The following RNF38 variants were observed in gnomAD, a reference collection of about 807,000 sequenced individuals.
RNF38 encodes E3 ubiquitin-protein ligase RNF38.
Under a neutral mutation model 67.2 loss-of-function variants are expected in RNF38, and 15 were observed. The observed-to-expected ratio is 0.22, with a 90% CI of 0.15 to 0.34. The LOEUF is 0.34. Among genes scored for constraint, RNF38 ranks in the 10% least tolerant of loss-of-function variants. The pLI is 1.00. For synonymous variants in RNF38, 220 were observed against 218.8 expected, an observed-to-expected ratio of 1.01 and a Z score of -0.05; for missense variants, 524 against 639.9, an observed-to-expected ratio of 0.82 and a Z score of 1.95.
chr9:36,473,327 C>T (rs1003491183), intron 1 of RNF38, among the ~76,000 whole-genome samples: 2 of 151,762 alleles, frequency 1.3e-5, no homozygotes, highest in Admixed American at 6.6e-5. Flanking sequence ...GCAGCTCATG[C>T]CTATAATCCC....
chr9:36,427,706 C>CTAT (rs1564058865), intron 1 of RNF38, among the ~76,000 whole-genome samples: 79 of 105,802 alleles, frequency 7.5e-4, no homozygotes, highest in African/African-American at 2.7e-3. Flanking sequence ...TATCTATCTA[C>CTAT]CTACCTATCT....
At chr9:36,452,473 T>A (rs774347256) in intron 1 of RNF38, among the ~76,000 whole-genome samples, 2 of 152,164 alleles carry the variant, frequency 1.3e-5, no homozygotes, top group Non-Finnish European at 2.9e-5. Flanking sequence ...TTGTGTCTGG[T>A]TTCTTTCACT....
chr9:36,476,517 A>ATTT (rs1840123740), intron 1 of RNF38, among the ~76,000 whole-genome samples: 2 of 136,260 alleles, frequency 1.5e-5, no homozygotes, highest in African/African-American at 5.6e-5. Context: ...CTATCGGGCA[A>ATTT]TCTTTTTTTT....
At position 36,393,580 on chromosome 9, in the gene RNF38, T is replaced by G. The variant is rs185856231; in HGVS notation, c.13-2964A>C. 2.7e-5 allele frequency among the ~76,000 whole-genome samples: 4 copies of G among 149,602 alleles called. No individual in the cohort carries two copies. In the East Asian group the frequency reaches 8.3e-4, roughly 31 times the overall value. On this transcript the variant is annotated intron_variant, in intron 1 of 11. Transcript: ENST00000259605. ...GATTACCTCTGGTGTCCATCTCCTG[T>G]ACAACCCCCTTCCCCATGTGCGCAG... is the stretch of plus-strand genomic sequence containing the variant.
intron 1 of RNF38, among the ~76,000 whole-genome samples, chr9:36,482,674 G>T (rs1457988271): frequency 6.6e-6 from 1 of 152,148 alleles, no homozygotes; most frequent in Non-Finnish European, 1.5e-5. Flanking sequence ...TTTCTAAATA[G>T]CTTATTCTGT....
At chr9:36,438,283 C>T (rs1839115617) in intron 1 of RNF38, among the ~76,000 whole-genome samples, 1 of 152,048 alleles carries the variant, frequency 6.6e-6, no homozygotes, top group South Asian at 2.1e-4. Context: ...CCAAGATTCT[C>T]AAAAGGTAGA....
intron 2 of RNF38, among the ~76,000 whole-genome samples, chr9:36,411,817 C>A (rs1006470535): frequency 1.3e-5 from 2 of 152,072 alleles, no homozygotes; most frequent in African/African-American, 4.8e-5. Context: ...TGAACCACCA[C>A]CTCAGCCCTC....
chr9:36,408,570 A>G (rs1372551672), intron 2 of RNF38, among the ~76,000 whole-genome samples: 1 of 152,148 alleles, frequency 6.6e-6, no homozygotes, highest in African/African-American at 2.4e-5. Flanking sequence ...TTAAATATTA[A>G]TAGCCTAGGA....
At chr9:36,388,343 G>A (rs1381158162) in intron 2 of RNF38, among the ~76,000 whole-genome samples, 7 of 151,826 alleles carry the variant, frequency 4.6e-5, no homozygotes, top group South Asian at 2.1e-4. Context: ...AAATTTAAAC[G>A]AAAACCCTGA....
chr9:36,346,642 A>G (rs1833260103), intron 9 of RNF38, among the ~76,000 whole-genome samples: 1 of 152,214 alleles, frequency 6.6e-6, no homozygotes. Flanking sequence ...GGTAACAAAT[A>G]ATGACAGATG....
intron 1 of RNF38, among the ~76,000 whole-genome samples, chr9:36,458,446 G>T (rs1469082094): frequency 6.6e-6 from 1 of 152,180 alleles, no homozygotes; most frequent in Non-Finnish European, 1.5e-5. Context: ...TCTTGCTGCT[G>T]CTCACTCTTT....
At chr9:36,402,829 G>T (rs1395278774), upstream of RNF38, among the ~76,000 whole-genome samples, 1 of 152,056 alleles carries the variant, frequency 6.6e-6, no homozygotes, top group Non-Finnish European at 1.5e-5. Flanking sequence ...CCCCAGGTTG[G>T]ATAGTTTTAA....
At chr9:36,378,970 G>A (rs1201473376) in intron 2 of RNF38, among the ~76,000 whole-genome samples, 3 of 150,568 alleles carry the variant, frequency 2.0e-5, no homozygotes, top group East Asian at 1.9e-4. Flanking sequence ...GCCTCATCTC[G>A]GCTCACCGCA....
At chr9:36,429,135 G>A (rs1162868100) in intron 1 of RNF38, among the ~76,000 whole-genome samples, 1 of 152,222 alleles carries the variant, frequency 6.6e-6, no homozygotes, top group African/African-American at 2.4e-5. Flanking sequence ...TGAAATACCC[G>A]TATGCTCTAA....
chr9:36,392,447 T>G (rs1488329550), intron 1 of RNF38, among the ~76,000 whole-genome samples: 2 of 152,166 alleles, frequency 1.3e-5, no homozygotes, highest in Non-Finnish European at 2.9e-5. Flanking sequence ...ATTAGGAATA[T>G]AGAGACAGGC....
At chr9:36,448,633 G>A (rs1265583111) in intron 1 of RNF38, among the ~76,000 whole-genome samples, 1 of 152,054 alleles carries the variant, frequency 6.6e-6, no homozygotes, top group African/African-American at 2.4e-5. Flanking sequence ...GTGCCTTCCA[G>A]CTCTGAAATT....
chr9:36,360,030 C>A (rs1284940764), intron 4 of RNF38, among the ~76,000 whole-genome samples: 1 of 152,076 alleles, frequency 6.6e-6, no homozygotes, highest in Non-Finnish European at 1.5e-5. Context: ...TAGGCGTGAG[C>A]CACCGTGCCT....
At chr9:36,430,199 A>AATT (rs998498179) in intron 1 of RNF38, among the ~76,000 whole-genome samples, 14 of 151,976 alleles carry the variant, frequency 9.2e-5, no homozygotes, top group Admixed American at 5.2e-4. Context: ...GAAGGCCAAG[A>AATT]ATTATTATTA....
At chr9:36,351,943 C>T (rs1265806435) in intron 8 of RNF38, among the ~76,000 whole-genome samples, 2 of 152,164 alleles carry the variant, frequency 1.3e-5, no homozygotes, top group Non-Finnish European at 2.9e-5. Context: ...TGTTCATAGT[C>T]ACAGGGCTAA....
Sources: gnomAD v4.1 joint callset for allele counts (sites outside exome capture counted in the v4.1 genomes callset) on GRCh38, gnomAD v4.1.1 for gene constraint, MANE v1.5 for transcripts, NCBI Gene and HGNC (gene_info 2026-07-23, HGNC 2026-07-21) for gene names.